Variants in CAPS2 observed in about 807,000 individuals in gnomAD.
CAPS2 encodes the protein calcyphosine 2.
CAPS2 carries 98 observed loss-of-function variants against 86.5 expected under a neutral mutation model. The ratio of observed to expected loss-of-function variants is 1.13; its 90% CI spans 0.96 to 1.34. CAPS2 has a LOEUF of 1.34. Ranked by LOEUF, CAPS2 falls within the 40% of genes most tolerant of loss-of-function variation. CAPS2 has a pLI of 0.00. For missense variants in CAPS2, 729 were observed against 686.8 expected, an observed-to-expected ratio of 1.06 and a Z score of -0.69; for synonymous variants, 210 against 225.1, an observed-to-expected ratio of 0.93 and a Z score of 0.60.
exon 7 of CAPS2, chr12:75,312,910 A>C: frequency 6.2e-7 from 1 of 1,601,298 alleles, no homozygotes; most frequent in Non-Finnish European, 8.6e-7. Context: ...CTGCAGCCAC[A>C]ATTTCCTGGG....
exon 3 of CAPS2, chr12:75,323,177 C>T (rs1291366831): frequency 6.5e-7 from 1 of 1,535,830 alleles, no homozygotes; most frequent in Admixed American, 2.0e-5. Context: ...TAAAAATTAC[C>T]TCATCATCAG....
intron 6 of CAPS2, 93 bp downstream of exon 6, chr12:75,316,219 T>C: frequency 6.9e-7 from 1 of 1,445,652 alleles, no homozygotes; most frequent in Non-Finnish European, 9.3e-7. Flanking sequence ...CAAATTCAAC[T>C]GTTGCAATTA....
chr12:75,306,203 T>C, intron 7 of CAPS2: 2 of 733,782 alleles, frequency 2.7e-6, no homozygotes, highest in Non-Finnish European at 2.3e-6. Context: ...GTGGAGCAGC[T>C]GGTGTTCCCG....
rs2039771050 is a variant in CAPS2, at chr12:75,316,442, T to A, written c.469-8A>T. The A allele has an allele frequency of 1.3e-6, 2 of 1,529,144 alleles. No individual in the cohort carries two copies. Among genetic ancestry groups the A allele is most frequent in the African/African-American group, 2.8e-5 (2 of 71,962 alleles). The allele number at this position is 1,529,144 out of a possible 1,614,324, so 94.7% of individuals were successfully genotyped here. A position where few individuals can be genotyped will look rare whatever the true frequency, so the allele number is the denominator to read the frequency against. On this transcript the variant is annotated splice_polypyrimidine_tract_variant and splice_region_variant and intron_variant, in intron 5 of 16. Coordinates refer to ENST00000393284, the Ensembl canonical transcript of CAPS2. ...TTCTTCATCTTGCACACACTATGCA[T>A]GAAAGAAATAAATGAAGCATCATAC...
chr12:75,333,285 T>TACATAGAG (rs2041468471), upstream of CAPS2, among the ~76,000 whole-genome samples: 2 of 152,224 alleles, frequency 1.3e-5, no homozygotes, highest in Non-Finnish European at 2.9e-5. Flanking sequence ...AACAGATTTA[T>TACATAGAG]ACATAGAGAG....
chr12:75,370,714 T>C (rs1394591965), intron 1 of CAPS2, among the ~76,000 whole-genome samples: 1 of 152,202 alleles, frequency 6.6e-6, no homozygotes. Flanking sequence ...AAATTAAAGT[T>C]GCACTCTTCT....
chr12:75,362,909 G>A (rs1334454655), intron 1 of CAPS2, among the ~76,000 whole-genome samples: 1 of 152,030 alleles, frequency 6.6e-6, no homozygotes, highest in African/African-American at 2.4e-5. Flanking sequence ...GAACTTCCAC[G>A]TGATTCATCC....
intron 1 of CAPS2, chr12:75,343,852 C>T (rs1409199276): frequency 1.9e-6 from 3 of 1,612,796 alleles, no homozygotes; most frequent in Admixed American, 1.7e-5. Flanking sequence ...CACACCAAGA[C>T]ATGCCATTAC....
At chr12:75,317,595 C>T (rs1052543143) in intron 5 of CAPS2, among the ~76,000 whole-genome samples, 2 of 152,142 alleles carry the variant, frequency 1.3e-5, no homozygotes, top group Non-Finnish European at 2.9e-5. Flanking sequence ...AATCAGACTT[C>T]CTTACAGTCT....
chr12:75,372,894 A>T (rs2044450829), intron 1 of CAPS2, among the ~76,000 whole-genome samples: 2 of 152,198 alleles, frequency 1.3e-5, no homozygotes, highest in African/African-American at 4.8e-5. Flanking sequence ...ATTATGGTGG[A>T]TAAGACATTC....
At chr12:75,319,657 T>C (rs1426849590) in intron 5 of CAPS2, among the ~76,000 whole-genome samples, 2 of 152,160 alleles carry the variant, frequency 1.3e-5, no homozygotes, top group Non-Finnish European at 2.9e-5. Context: ...GCAGTTCAAC[T>C]GATTATCAGT....
chr12:75,325,428 G>T, intron 1 of CAPS2, 140 bp from the exon 3 acceptor site: 1 of 732,118 alleles, frequency 1.4e-6, no homozygotes, highest in Non-Finnish European at 2.1e-6. Context: ...TACTTATTAA[G>T]CCCCTTCCTA....
exon 17 of CAPS2, chr12:75,278,819 G>C: frequency 5.2e-6 from 7 of 1,353,862 alleles, no homozygotes; most frequent in Non-Finnish European, 6.7e-6. Flanking sequence ...TCCAGTGTTT[G>C]ATCATCCTTT....
At chr12:75,312,755 C>A in intron 7 of CAPS2, 93 bp downstream of exon 7, 1 of 767,006 alleles carries the variant, frequency 1.3e-6, no homozygotes. Flanking sequence ...GTTAGCCACC[C>A]TTTAATTGAC....
chr12:75,278,299 G>C (rs1474477512), exon 17 of CAPS2: 40 of 983,352 alleles, frequency 4.1e-5, no homozygotes, highest in Non-Finnish European at 4.5e-5. Context: ...GAGCATCATG[G>C]GGTAAACCTC....
At chr12:75,293,774 G>T (rs865836707) in intron 11 of CAPS2, among the ~76,000 whole-genome samples, 1 of 152,098 alleles carries the variant, frequency 6.6e-6, no homozygotes, top group African/African-American at 2.4e-5. Flanking sequence ...GATGACAGAT[G>T]TTGCCTAATT....
At chr12:75,337,044 A>G (rs1008757476) in intron 1 of CAPS2, among the ~76,000 whole-genome samples, 12 of 151,866 alleles carry the variant, frequency 7.9e-5, no homozygotes, top group Non-Finnish European at 1.8e-4. Flanking sequence ...AGATTACTAT[A>G]ATTTAGATTT....
downstream of CAPS2, chr12:75,276,418 T>C (rs969349699): frequency 1.7e-5 from 17 of 981,496 alleles, no homozygotes; most frequent in Middle Eastern, 5.2e-4. Context: ...AAAAGTAATA[T>C]GTAAAATAAG....
intron 14 of CAPS2, among the ~76,000 whole-genome samples, chr12:75,289,284 G>C (rs148241216): frequency 2.6e-5 from 4 of 152,134 alleles, no homozygotes; most frequent in Non-Finnish European, 5.9e-5. Flanking sequence ...AACCTGTCTT[G>C]GAATCAGGTA....
Sources: allele counts gnomAD v4.1 joint callset (sites outside exome capture counted in the v4.1 genomes callset), GRCh38; gene constraint gnomAD v4.1.1; transcripts MANE v1.5; gene names NCBI Gene and HGNC (gene_info 2026-07-23, HGNC 2026-07-21).